The following KIRREL3 variants were observed in gnomAD, a reference collection of about 807,000 sequenced individuals.
KIRREL3 encodes the protein kin of IRRE-like protein 3.
KIRREL3 carries 36 observed loss-of-function variants against 89.7 expected under a neutral mutation model. The observed-to-expected ratio is 0.40, with a 90% CI of 0.31 to 0.53. The LOEUF (loss-of-function observed/expected upper bound fraction) is 0.53. Among genes scored for constraint, KIRREL3 ranks in the 20% least tolerant of loss-of-function variants. KIRREL3 has a pLI of 0.49. For synonymous variants in KIRREL3, 445 were observed against 441.4 expected, an observed-to-expected ratio of 1.01 and a Z score of -0.10; for missense variants, 864 against 1,056.6, an observed-to-expected ratio of 0.82 and a Z score of 2.53.
Position 126,476,575 on chromosome 11 carries a change from C to G in KIRREL3, c.434-3109G>C, listed in dbSNP as rs1156882050. On this transcript the variant is annotated intron_variant, in intron 4 of 16. Coordinates refer to ENST00000525144, the MANE Select transcript of KIRREL3 (RefSeq NM_032531.4). The surrounding 1 kb of genome is among the most constrained non-coding windows in gnomAD (Gnocchi z 6.4). ...AGAATGGGGCCTGATTACATCTTCC[C>G]AAATAAGTGGTTATCATGCTGGGTA... 1.4e-5 allele frequency among the ~76,000 whole-genome samples: 2 copies of G among 143,864 alleles called. No homozygotes were observed. The highest frequency in any genetic ancestry group is 5.2e-5 in the African/African-American group (2 of 38,792). The allele number at this position is 143,864 out of a possible 152,430, so 94.4% of individuals were successfully genotyped here.
In KIRREL3 at chr11:126,460,301, G is replaced by A. The variant is rs566211639; in HGVS notation, c.742+2856C>T. Among the ~76,000 whole-genome samples the A allele has an allele frequency of 2.0e-5, 3 of 152,322 alleles. No individual in the cohort carries two copies. In the South Asian group the frequency reaches 6.2e-4, roughly 32 times the overall value. On this transcript the variant is annotated intron_variant, in intron 6 of 16. Coordinates refer to ENST00000525144, the MANE Select transcript of KIRREL3 (RefSeq NM_032531.4). ...TGGCTCTGCGTCCTGACAGCAGCTG[G>A]TAGGTGTGGGGCACTCACAACGTGT...
rs578169085 is a variant in KIRREL3 at position 126,440,028 on chromosome 11, A to C, written c.1353+421T>G. Among the ~76,000 whole-genome samples the C allele has an allele frequency of 1.6e-4, 24 of 152,174 alleles. No individual in the cohort carries two copies. The South Asian group carries it at 5.0e-3, about 32-fold the overall frequency. ...CAGGCTACCATGGACAGTAAAGGCC[A>C]CAGAGACCTGGCAAGGAGGGCTCCA... On this transcript the variant is annotated intron_variant, in intron 11 of 16. Coordinates refer to ENST00000525144, the MANE Select transcript of KIRREL3 (RefSeq NM_032531.4).
chr11:126,644,983 T>A (rs1944609756), intron 1 of KIRREL3, among the ~76,000 whole-genome samples: 1 of 152,118 alleles, frequency 6.6e-6, no homozygotes, highest in Non-Finnish European at 1.5e-5. Context: ...CTAAAATCTA[T>A]GCCCTGGAAG....
chr11:126,952,969 A>G (rs1375470721), intron 1 of KIRREL3, among the ~76,000 whole-genome samples: 1 of 152,212 alleles, frequency 6.6e-6, no homozygotes, highest in East Asian at 1.9e-4. Context: ...TTGACCCAGC[A>G]ATCCCATTAC....
At chr11:126,957,391 A>C (rs1056328145) in intron 1 of KIRREL3, among the ~76,000 whole-genome samples, 3 of 152,212 alleles carry the variant, frequency 2.0e-5, no homozygotes, top group Non-Finnish European at 4.4e-5. Context: ...CAGGGGTTAC[A>C]CATATGGTAT....
rs1316612687 is a variant in KIRREL3 at position 126,764,148 on chromosome 11, T to C, written c.56-201236A>G. Among the ~76,000 whole-genome samples the C allele has an allele frequency of 6.6e-6, 1 of 152,188 alleles. No homozygotes were observed. The highest frequency in any genetic ancestry group is 1.5e-5 in the Non-Finnish European group (1 of 68,040). ...TCAGAATGAATGAAATGCTAACTTT[T>C]CCCCTGTCTAACCCACTCACCCACA... On this transcript the variant is annotated intron_variant, in intron 1 of 16. Transcript: ENST00000525144. The surrounding 1 kb of genome is among the most constrained non-coding windows in gnomAD (Gnocchi z 4.2).
rs1958632419 is a variant in KIRREL3 at position 126,522,611 on chromosome 11, T to C, written c.284-1147A>G. On this transcript the variant is annotated intron_variant, in intron 3 of 16. Transcript: ENST00000525144. This position sits in a 1 kb window ranked among gnomAD's most constrained non-coding sequence, Gnocchi z 6.0. The stretch of plus-strand genomic sequence containing the variant: ...CAGCGTTCCTGCTGCTGTGTAGGGT[T>C]GAATATAAATGCCAACTGAAGTTGT... Among the ~76,000 whole-genome samples, 2 of 152,216 alleles carry C rather than the reference T, an allele frequency of 1.3e-5. No homozygotes were observed. Among genetic ancestry groups the C allele is most frequent in the Non-Finnish European group, 2.9e-5 (2 of 68,040 alleles).
rs929440903 is a variant in KIRREL3, at chr11:126,776,951, C to T, written c.56-214039G>A. On this transcript the variant is annotated intron_variant, in intron 1 of 16. Transcript: ENST00000525144. This position sits in a 1 kb window ranked among gnomAD's most constrained non-coding sequence, Gnocchi z 4.7. Reference sequence around the variant, plus strand: ...AAGTTTGGATTTGCAATCACAGATGCCCCATGTGGCTTCTTGAGAGATGTC... The same window carrying T: ...AAGTTTGGATTTGCAATCACAGATGTCCCATGTGGCTTCTTGAGAGATGTC... Among the ~76,000 whole-genome samples, 1 of 152,148 alleles carries T rather than the reference C, an allele frequency of 6.6e-6. No individual in the cohort carries two copies. Among genetic ancestry groups the T allele is most frequent in the Non-Finnish European group, 1.5e-5 (1 of 68,024 alleles).
At chr11:126,510,410 C>T (rs1304570964) in intron 4 of KIRREL3, among the ~76,000 whole-genome samples, 4 of 128,668 alleles carry the variant, frequency 3.1e-5, no homozygotes, top group Non-Finnish European at 1.6e-5. Flanking sequence ...GAAATGTCCT[C>T]CCTGACGTTG....
At position 126,454,595 on chromosome 11, in the gene KIRREL3, G is replaced by A. The variant is rs1956279877; in HGVS notation, c.848+1754C>T. Among the ~76,000 whole-genome samples the A allele has an allele frequency of 6.6e-6, 1 of 152,158 alleles. No homozygotes were observed. Among genetic ancestry groups the A allele is most frequent in the Admixed American group, 6.5e-5 (1 of 15,276 alleles). On this transcript the variant is annotated intron_variant, in intron 7 of 16. Transcript: ENST00000525144. The surrounding 1 kb of genome is among the most constrained non-coding windows in gnomAD (Gnocchi z 5.8). ...GAGCAGAGACCTGGGAGCAGACAGA[G>A]GAGAGAAGCTGAACTTGTATGGAGA...
chr11:126,821,687 TGAG>T (rs1261001696), intron 1 of KIRREL3, among the ~76,000 whole-genome samples: 1 of 151,848 alleles, frequency 6.6e-6, no homozygotes, highest in African/African-American at 2.4e-5. Context: ...GAAATTGAGA[TGAG>T]GAGAGTATCC....
At chr11:126,964,430 C>T (rs1401914914) in intron 1 of KIRREL3, among the ~76,000 whole-genome samples, 1 of 152,196 alleles carries the variant, frequency 6.6e-6, no homozygotes, top group African/African-American at 2.4e-5. Context: ...GTGTGACAGA[C>T]TCTAGTAGGA....
chr11:126,472,282 C>T (rs183126043), intron 5 of KIRREL3, among the ~76,000 whole-genome samples: 114 of 152,238 alleles, frequency 7.5e-4, no homozygotes, highest in African/African-American at 2.2e-3. Flanking sequence ...ATAAACTGGG[C>T]GGCTTATAAA....
Position 126,782,888 on chromosome 11 carries a change from T to C in KIRREL3, c.55+217567A>G, listed in dbSNP as rs1950371831. Reference sequence around the variant, plus strand: ...CAGTAGCAACAAGCACACCTAACAATCCAGAGTTTGGTTTCTGATACCACT... The same window carrying C: ...CAGTAGCAACAAGCACACCTAACAACCCAGAGTTTGGTTTCTGATACCACT... On this transcript the variant is annotated intron_variant, in intron 1 of 16. Coordinates refer to ENST00000525144, the MANE Select transcript of KIRREL3 (RefSeq NM_032531.4). The surrounding 1 kb of genome is among the most constrained non-coding windows in gnomAD (Gnocchi z 4.1). Among the ~76,000 whole-genome samples the C allele has an allele frequency of 6.6e-6, 1 of 152,174 alleles. No individual in the cohort carries two copies. Among genetic ancestry groups the C allele is most frequent in the Non-Finnish European group, 1.5e-5 (1 of 68,022 alleles).
At position 126,463,153 on chromosome 11, in the gene KIRREL3, T is replaced by C. The variant is rs765041230; in HGVS notation, c.742+4A>G. The C allele has an allele frequency of 1.9e-6, 3 of 1,612,260 alleles. No homozygotes were observed. Among genetic ancestry groups the C allele is most frequent in the Non-Finnish European group, 2.5e-6 (3 of 1,179,452 alleles). On this transcript the variant is annotated splice_donor_region_variant and intron_variant, in intron 6 of 16. Coordinates refer to ENST00000525144, the MANE Select transcript of KIRREL3 (RefSeq NM_032531.4). This position sits in a 1 kb window ranked among gnomAD's most constrained non-coding sequence, Gnocchi z 5.9. ...CTGGGTTGGGGGAGGGGGTGGGTAC[T>C]CACGCTGGATGTCAATGGTGACCGA...
In KIRREL3 at chr11:126,768,339, C is replaced by T. The variant is rs1455640741; in HGVS notation, c.56-205427G>A. On this transcript the variant is annotated intron_variant, in intron 1 of 16. Transcript: ENST00000525144. This position sits in a 1 kb window ranked among gnomAD's most constrained non-coding sequence, Gnocchi z 4.5. ...TCTGTCCATCCATACTGCATCCATC[C>T]ATCCACTTATCCCACAAATACTGAG... Among the ~76,000 whole-genome samples, 3 of 152,234 alleles carry T rather than the reference C, an allele frequency of 2.0e-5. No individual in the cohort carries two copies. Among genetic ancestry groups the T allele is most frequent in the African/African-American group, 7.2e-5 (3 of 41,468 alleles).
intron 1 of KIRREL3, among the ~76,000 whole-genome samples, chr11:126,945,334 T>TG (rs576390531): frequency 2.1e-4 from 32 of 152,260 alleles, no homozygotes; most frequent in Middle Eastern, 3.4e-3. Context: ...TGACAGGCTG[T>TG]GGGGGGCAGA....
intron 1 of KIRREL3, among the ~76,000 whole-genome samples, chr11:126,941,732 A>T (rs979126690): frequency 1.3e-5 from 2 of 152,244 alleles, no homozygotes; most frequent in Admixed American, 1.3e-4. Context: ...AGTGGGCTGG[A>T]TGAAGGGTGC....
At chr11:126,675,423 C>T (rs1165587500) in intron 1 of KIRREL3, among the ~76,000 whole-genome samples, 4 of 152,158 alleles carry the variant, frequency 2.6e-5, no homozygotes, top group Non-Finnish European at 5.9e-5. Flanking sequence ...TTACAATGAA[C>T]AACATTTAGC....
Sources: gnomAD v4.1 joint callset for allele counts (sites outside exome capture counted in the v4.1 genomes callset) on GRCh38, gnomAD v4.1.1 for gene constraint, Gnocchi (gnomAD v3.1) non-coding constraint, MANE v1.5 for transcripts, NCBI Gene and HGNC (gene_info 2026-07-23, HGNC 2026-07-21) for gene names.